The following SPATA17 variants were observed in gnomAD, a reference collection of about 807,000 sequenced individuals.
The protein encoded by SPATA17 is spermatogenesis-associated protein 17.
A neutral mutation model predicts 62.2 loss-of-function variants in SPATA17; 53 were observed. The observed-to-expected ratio is 0.85, with a 90% CI of 0.68 to 1.07. SPATA17 has a LOEUF of 1.07. Ranked by LOEUF, SPATA17 falls within the 50% of genes least tolerant of loss-of-function variation. The probability of loss-of-function intolerance (pLI) is 0.00; values close to 1 mark genes in which losing one functional copy is unlikely to be tolerated. For missense variants in SPATA17, 466 were observed against 425.5 expected (o/e 1.10, Z -0.84); for synonymous variants, 146 against 146.8 (o/e 0.99, Z 0.04).
intron 5 of SPATA17, among the ~76,000 whole-genome samples, chr1:217,736,237 G>A (rs905074590): frequency 5.9e-5 from 9 of 152,154 alleles, no homozygotes; most frequent in African/African-American, 2.2e-4. Context: ...ACTTGTTTTT[G>A]CAGTCACTTC....
chr1:217,785,041 T>C (rs536441427), intron 8 of SPATA17: 5 of 152,320 alleles, frequency 3.3e-5, no homozygotes, highest in African/African-American at 1.2e-4. Context: ...AAAGAATCTC[T>C]TCATGCCTCT....
intron 9 of SPATA17, among the ~76,000 whole-genome samples, chr1:217,833,594 C>T (rs991020605): frequency 6.6e-6 from 1 of 152,030 alleles, no homozygotes; most frequent in African/African-American, 2.4e-5. Context: ...ATCTTTTTGC[C>T]GACTTTAGTT....
intron 6 of SPATA17, among the ~76,000 whole-genome samples, chr1:217,747,580 C>A (rs1672793991): frequency 6.6e-6 from 1 of 151,956 alleles, no homozygotes. Flanking sequence ...GAAAATGTTA[C>A]CCTGTTTTTC....
intron 9 of SPATA17, among the ~76,000 whole-genome samples, chr1:217,828,830 G>A (rs1233500776): frequency 6.6e-6 from 1 of 152,034 alleles, no homozygotes; most frequent in Non-Finnish European, 1.5e-5. Flanking sequence ...ATGTCAACAG[G>A]TACATTAAAA....
intron 9 of SPATA17, chr1:217,850,460 A>G: frequency 2.3e-6 from 3 of 1,309,284 alleles, no homozygotes; most frequent in Non-Finnish European, 3.1e-6. Flanking sequence ...TGGATGTTGT[A>G]GTCAGAAAGA....
chr1:217,797,034 C>T (rs1674166666), intron 8 of SPATA17, among the ~76,000 whole-genome samples: 1 of 152,122 alleles, frequency 6.6e-6, no homozygotes, highest in Non-Finnish European at 1.5e-5. Flanking sequence ...ACTATACTTA[C>T]TACAATTGTA....
intron 9 of SPATA17, among the ~76,000 whole-genome samples, chr1:217,839,102 C>T (rs1224108527): frequency 6.6e-6 from 1 of 151,872 alleles, no homozygotes; most frequent in African/African-American, 2.4e-5. Flanking sequence ...AATGTGAAGC[C>T]CACTACTCAA....
intron 8 of SPATA17, among the ~76,000 whole-genome samples, chr1:217,786,794 T>TCTTCTTCTC (rs1558050864): frequency 6.0e-5 from 9 of 151,086 alleles, no homozygotes; most frequent in African/African-American, 2.0e-4. Flanking sequence ...TTCTTCTTCT[T>TCTTCTTCTC]CTTCTTCTTC....
At chr1:217,677,501 G>A (rs1347156685) in intron 4 of SPATA17, among the ~76,000 whole-genome samples, 2 of 151,894 alleles carry the variant, frequency 1.3e-5, no homozygotes, top group African/African-American at 4.8e-5. Flanking sequence ...AAAGGATACG[G>A]AAGGTCTTTT....
At chr1:217,655,064 A>G (rs1670411729) in intron 3 of SPATA17, among the ~76,000 whole-genome samples, 1 of 152,134 alleles carries the variant, frequency 6.6e-6, no homozygotes, top group South Asian at 2.1e-4. Context: ...GTACAAAACT[A>G]TTTGCTAATG....
At chr1:217,731,196 T>C (rs1001662241) in intron 5 of SPATA17, among the ~76,000 whole-genome samples, 17 of 152,064 alleles carry the variant, frequency 1.1e-4, no homozygotes, top group Admixed American at 8.5e-4. Context: ...CCTCGATGCA[T>C]TTACCTTTTC....
intron 8 of SPATA17, among the ~76,000 whole-genome samples, chr1:217,795,002 A>G (rs1466001848): frequency 6.6e-6 from 1 of 152,184 alleles, no homozygotes; most frequent in Non-Finnish European, 1.5e-5. Flanking sequence ...GATGTTTATT[A>G]ATACTACGCT....
chr1:217,743,423 A>G (rs764789510), intron 6 of SPATA17, among the ~76,000 whole-genome samples: 7 of 152,024 alleles, frequency 4.6e-5, no homozygotes, highest in Non-Finnish European at 1.0e-4. Flanking sequence ...TAAACTGAGT[A>G]CTATTAATAT....
At chr1:217,664,932 A>G (rs1166038404) in intron 3 of SPATA17, among the ~76,000 whole-genome samples, 1 of 152,134 alleles carries the variant, frequency 6.6e-6, no homozygotes, top group Non-Finnish European at 1.5e-5. Context: ...GGACAGCTAA[A>G]AAGGAATGGT....
intron 8 of SPATA17, among the ~76,000 whole-genome samples, chr1:217,790,097 G>A (rs1673963185): frequency 6.6e-6 from 1 of 152,150 alleles, no homozygotes; most frequent in Non-Finnish European, 1.5e-5. Flanking sequence ...TAGGGGGAAT[G>A]ACTTCCCCCA....
intron 3 of SPATA17, among the ~76,000 whole-genome samples, chr1:217,668,702 C>A (rs762763889): frequency 2.6e-5 from 4 of 152,136 alleles, no homozygotes; most frequent in Non-Finnish European, 4.4e-5. Flanking sequence ...ATAAATCATA[C>A]AATACTACAT....
intron 5 of SPATA17, among the ~76,000 whole-genome samples, chr1:217,697,342 C>T (rs566279361): frequency 2.6e-5 from 4 of 152,140 alleles, no homozygotes; most frequent in Non-Finnish European, 5.9e-5. Flanking sequence ...TTCTTGGAAT[C>T]CAGAAATGCA....
intron 9 of SPATA17, among the ~76,000 whole-genome samples, chr1:217,819,133 G>T (rs1312887634): frequency 6.7e-6 from 1 of 149,246 alleles, no homozygotes; most frequent in African/African-American, 2.5e-5. Flanking sequence ...TTTTCTTATT[G>T]TTTTCTGGAA....
intron 5 of SPATA17, among the ~76,000 whole-genome samples, chr1:217,731,605 T>A (rs1168026689): frequency 1.3e-5 from 2 of 152,188 alleles, no homozygotes; most frequent in Admixed American, 1.3e-4. Flanking sequence ...CTGATCACCA[T>A]AATCTGTTTA....
Sources: allele counts gnomAD v4.1 joint callset (sites outside exome capture counted in the v4.1 genomes callset), GRCh38; gene constraint gnomAD v4.1.1; transcripts MANE v1.5; gene names NCBI Gene and HGNC (gene_info 2026-07-23, HGNC 2026-07-21).